Variants in UACA observed in about 807,000 individuals in gnomAD.
UACA encodes the protein uveal autoantigen with coiled-coil domains and ankyrin repeats, also known as nuclear membrane binding protein.
In UACA, 112 loss-of-function variants were observed where a neutral mutation model predicts 160.5. The ratio of observed to expected loss-of-function variants is 0.70; its 90% CI spans 0.60 to 0.82. The LOEUF (loss-of-function observed/expected upper bound fraction) is 0.82, where lower values mean the gene tolerates loss of function less well. Among genes scored for constraint, UACA ranks in the 40% least tolerant of loss-of-function variants. The pLI is 0.00. For missense variants in UACA, 1,574 were observed against 1,614.6 expected, an observed-to-expected ratio of 0.97 and a Z score of 0.43; for synonymous variants, 557 against 568.4, an observed-to-expected ratio of 0.98 and a Z score of 0.29.
intron 1 of UACA, among the ~76,000 whole-genome samples, chr15:70,759,796 A>G (rs1408477568): frequency 3.9e-5 from 6 of 152,386 alleles, no homozygotes; most frequent in African/African-American, 1.4e-4. Flanking sequence ...TGTGAACTAC[A>G]TTTATATGTG....
intron 17 of UACA, among the ~76,000 whole-genome samples, chr15:70,662,227 A>G (rs1295315080): frequency 6.6e-6 from 1 of 152,224 alleles, no homozygotes; most frequent in Non-Finnish European, 1.5e-5. Flanking sequence ...ACAGACAAAC[A>G]GAGAGCCAAA....
At chr15:70,729,115 G>C (rs541423419) in intron 1 of UACA, among the ~76,000 whole-genome samples, 2 of 152,332 alleles carry the variant, frequency 1.3e-5, no homozygotes, top group African/African-American at 4.8e-5. Flanking sequence ...AGCCACTGTG[G>C]AAAGCAGTTT....
chr15:70,774,568 G>A, the UACA span, among the ~76,000 whole-genome samples: 1 of 134,278 alleles, frequency 7.4e-6, no homozygotes. Flanking sequence ...AAGACCACAT[G>A]CAGTTGTCCA....
Position 70,668,157 on chromosome 15 carries a change from C to T in UACA, c.2527G>A (p.Ala843Thr), listed in dbSNP as rs757891331. 1.9e-5 allele frequency: 30 copies of T among 1,612,940 alleles called. No homozygotes were observed. The East Asian group carries it at 2.0e-4, about 11-fold the overall frequency. Residue 843 changes from alanine (A) to threonine (T), a missense_variant, in exon 16 of 19, where the codon GCT (alanine) becomes ACT (threonine). Coordinates refer to ENST00000322954, the MANE Select transcript of UACA (RefSeq NM_018003.4). Reference protein sequence around the residue: ...KCGEDQEKIHALTSENTNLKK... With the variant: ...KCGEDQEKIHTLTSENTNLKK... Reference sequence around the variant, plus strand: ...AAGTTAGTGTTTTCAGATGTGAGAGCGTGTATTTTCTCCTGGTCTTCACCA... The same window carrying T: ...AAGTTAGTGTTTTCAGATGTGAGAGTGTGTATTTTCTCCTGGTCTTCACCA...
intron 10 of UACA, among the ~76,000 whole-genome samples, chr15:70,679,004 TAATA>T (rs1388700971): frequency 6.6e-6 from 1 of 152,218 alleles, no homozygotes; most frequent in Admixed American, 6.5e-5. Flanking sequence ...TTGCTTTTTC[TAATA>T]TATATTAAAA....
chr15:70,707,929 C>T (rs765999683), intron 1 of UACA, among the ~76,000 whole-genome samples: 4 of 152,074 alleles, frequency 2.6e-5, no homozygotes, highest in Non-Finnish European at 4.4e-5. Flanking sequence ...GGGTATATAT[C>T]CAAATGAGTT....
At chr15:70,763,729 A>G (rs1421193949), upstream of UACA, 2 of 297,130 alleles carry the variant, frequency 6.7e-6, no homozygotes, top group Non-Finnish European at 1.2e-5. Flanking sequence ...TAGCCCGGGA[A>G]GGGGCGGAGG....
At chr15:70,736,320 A>T (rs1010800104) in intron 1 of UACA, among the ~76,000 whole-genome samples, 1 of 152,218 alleles carries the variant, frequency 6.6e-6, no homozygotes, top group African/African-American at 2.4e-5. Context: ...TCAAGTATTT[A>T]CGTTTATAGT....
At chr15:70,665,963 G>A (rs1477281188) in intron 16 of UACA, among the ~76,000 whole-genome samples, 2 of 152,148 alleles carry the variant, frequency 1.3e-5, no homozygotes, top group African/African-American at 4.8e-5. Context: ...CAAAAATATT[G>A]TTGAGTACCT....
chr15:70,681,664 G>C (rs894930976), intron 9 of UACA: 3 of 151,982 alleles, frequency 2.0e-5, no homozygotes, highest in Non-Finnish European at 4.4e-5. Flanking sequence ...CTCACACTTA[G>C]GTTATATGAG....
At chr15:70,701,917 G>T in intron 1 of UACA, 1 of 1,613,232 alleles carries the variant, frequency 6.2e-7, no homozygotes. Context: ...GTTCATCATA[G>T]ACAGGATTTA....
intron 15 of UACA, 101 bp downstream of exon 15, chr15:70,670,938 T>C (rs1897115936): frequency 3.3e-6 from 2 of 605,396 alleles, no homozygotes; most frequent in African/African-American, 3.7e-5. Context: ...TCACTCTATG[T>C]ATATATACTT....
intron 1 of UACA, among the ~76,000 whole-genome samples, chr15:70,723,419 G>C (rs1443326400): frequency 2.0e-5 from 3 of 152,168 alleles, no homozygotes; most frequent in Admixed American, 1.3e-4. Context: ...TAAGACCAAA[G>C]TCCTTAATGA....
chr15:70,735,835 C>T (rs1455338729), intron 1 of UACA, among the ~76,000 whole-genome samples: 1 of 152,006 alleles, frequency 6.6e-6, no homozygotes, highest in African/African-American at 2.4e-5. Context: ...GACACCAAGC[C>T]CAGCTAATTT....
rs184255759 is a variant in UACA at position 70,661,931 on chromosome 15, T to C, written c.4114-1715A>G. Among the ~76,000 whole-genome samples, 614 of 152,294 alleles carry C rather than the reference T, an allele frequency of 4.0e-3. 5 individuals carry two copies. Among genetic ancestry groups the C allele is most frequent in the Non-Finnish European group, 4.9e-3 (332 of 68,020 alleles). On this transcript the variant is annotated intron_variant, in intron 17 of 18. Coordinates refer to ENST00000322954, the MANE Select transcript of UACA (RefSeq NM_018003.4). ...ACTGAATGGGCAAAAACTGGAAGCA[T>C]TCCCTTTGAAAACTGGCACAAGACA...
intron 1 of UACA, among the ~76,000 whole-genome samples, chr15:70,720,952 G>A (rs1415882062): frequency 2.0e-5 from 3 of 152,184 alleles, no homozygotes; most frequent in African/African-American, 7.2e-5. Flanking sequence ...GGTAGAGACA[G>A]AGGATGCTCC....
the UACA span, among the ~76,000 whole-genome samples, chr15:70,773,881 T>C: frequency 7.7e-4 from 118 of 152,330 alleles, no homozygotes; most frequent in African/African-American, 2.7e-3. Flanking sequence ...AATTTCTCAA[T>C]TGGTAATTTC....
intron 10 of UACA, among the ~76,000 whole-genome samples, chr15:70,679,402 C>CTGAATAAATAAA (rs1897405231): frequency 7.5e-6 from 1 of 134,058 alleles, no homozygotes. Context: ...GACCCCATCT[C>CTGAATAAATAAA]TAAATAAATA....
At chr15:70,772,986 C>T in the UACA span, among the ~76,000 whole-genome samples, 10 of 150,806 alleles carry the variant, frequency 6.6e-5, no homozygotes, top group Middle Eastern at 3.4e-3. Context: ...CTACTCGGAA[C>T]GCTGAGGCAG....
Sources: gnomAD v4.1 joint callset for allele counts (sites outside exome capture counted in the v4.1 genomes callset) on GRCh38, gnomAD v4.1.1 for gene constraint, MANE v1.5 for transcripts, NCBI Gene and HGNC (gene_info 2026-07-23, HGNC 2026-07-21) for gene names.